The following ITGB1 variants were observed in gnomAD, a reference collection of about 807,000 sequenced individuals.
ITGB1 encodes the protein integrin subunit beta 1, also known as integrin beta-1.
ITGB1 carries 24 observed loss-of-function variants against 86.5 expected under a neutral mutation model. That is an observed-to-expected ratio of 0.28 (90% CI 0.20 to 0.39). ITGB1 has a LOEUF of 0.39. Ranked by LOEUF, ITGB1 falls within the 10% of genes least tolerant of loss-of-function variation. ITGB1 has a pLI of 1.00. For missense variants in ITGB1, 556 were observed against 946.9 expected (o/e 0.59, Z 5.42); for synonymous variants, 323 against 316.8 (o/e 1.02, Z -0.21).
At chr10:32,903,710 CTG>C (rs1271808184) in intron 15 of ITGB1, among the ~76,000 whole-genome samples, 1 of 152,116 alleles carries the variant, frequency 6.6e-6, no homozygotes, top group Admixed American at 6.5e-5. Flanking sequence ...GATGACAAAA[CTG>C]TGTACATCAA....
At chr10:32,926,151 A>C in intron 5 of ITGB1, 42 bp from the exon 6 acceptor site, 3 of 1,311,970 alleles carry the variant, frequency 2.3e-6, no homozygotes, top group Non-Finnish European at 3.3e-6. Context: ...GAATGGATGG[A>C]TAGATGGAAA....
At chr10:32,903,848 T>A (rs1353833495) in intron 15 of ITGB1, among the ~76,000 whole-genome samples, 1 of 152,114 alleles carries the variant, frequency 6.6e-6, no homozygotes, top group Non-Finnish European at 1.5e-5. Flanking sequence ...TGCAAATAAA[T>A]TACACTCCAC....
At chr10:32,948,007 T>A (rs1593887252) in intron 1 of ITGB1, among the ~76,000 whole-genome samples, 1 of 65,926 alleles carries the variant, frequency 1.5e-5, no homozygotes, top group Non-Finnish European at 5.6e-5. Flanking sequence ...TATGGTTGAA[T>A]TTTTTTTTTT....
chr10:32,927,472 C>G (rs1005073031), intron 5 of ITGB1, among the ~76,000 whole-genome samples: 8 of 152,140 alleles, frequency 5.3e-5, no homozygotes, highest in African/African-American at 1.9e-4. Flanking sequence ...TAGATAAAAT[C>G]TGGGTATTCA....
intron 1 of ITGB1, among the ~76,000 whole-genome samples, chr10:32,950,782 A>G (rs995801568): frequency 6.6e-6 from 1 of 152,186 alleles, no homozygotes; most frequent in Non-Finnish European, 1.5e-5. Context: ...AAGCTCTAAC[A>G]ACAAAGGTTT....
Position 32,926,127 on chromosome 10 carries a change from G to A in ITGB1, c.548-18C>T, listed in dbSNP as rs371333032. The A allele has an allele frequency of 3.9e-6, 6 of 1,521,176 alleles. No individual in the cohort carries two copies. The African/African-American group carries it at 8.2e-5, about 21-fold the overall frequency. 94.2% of individuals were successfully genotyped at this position (1,521,176 alleles called of 1,614,324 possible). A position where few individuals can be genotyped will look rare whatever the true frequency, so the allele number is the denominator to read the frequency against. On this transcript the variant is annotated intron_variant, in intron 5 of 15. Transcript: ENST00000302278. ...GCCAAATCCTGCCAAGAAAAAAATG[G>A]TACATAAATGAATGAATGGATGGAT...
At chr10:32,938,869 A>G (rs920054184) in intron 1 of ITGB1, among the ~76,000 whole-genome samples, 2 of 152,192 alleles carry the variant, frequency 1.3e-5, no homozygotes, top group Non-Finnish European at 2.9e-5. Flanking sequence ...GGCGGAGAGG[A>G]GACCACAGTT....
At chr10:32,902,217 C>A (rs1363022086) in intron 15 of ITGB1, among the ~76,000 whole-genome samples, 1 of 152,138 alleles carries the variant, frequency 6.6e-6, no homozygotes, top group Non-Finnish European at 1.5e-5. Context: ...ATTACCATTC[C>A]TTATGAAATA....
At chr10:32,930,570 TTAAA>T (rs1382614355) in intron 3 of ITGB1, among the ~76,000 whole-genome samples, 2 of 152,192 alleles carry the variant, frequency 1.3e-5, no homozygotes, top group Non-Finnish European at 2.9e-5. Flanking sequence ...TTAGCACCGA[TTAAA>T]TAAGTATTCC....
chr10:32,932,538 T>G lies in ITGB1; in HGVS notation c.130A>C (p.Asn44His), dbSNP rs572604555. Reference protein sequence around the residue: ...SCGECIQAGPNCGWCTNSTFL... With the variant: ...SCGECIQAGPHCGWCTNSTFL... ...ACTGAATTTGTGCACCACCCACAAT[T>G]TGGCCCTGCTTGTATACATTCTCCA... The change falls in exon 3 of 16, where the codon AAT (asparagine) becomes CAT (histidine). Residue 44 changes from asparagine (N) to histidine (H), a missense_variant. By Grantham distance (68) the Asn-to-His change is moderately conservative (BLOSUM62 1). Around this residue, in one of 4 missense-constraint regions of ITGB1, gnomAD observed 183 missense variants for 263.9 expected, o/e 0.69. Coordinates refer to ENST00000302278, the MANE Select transcript of ITGB1 (RefSeq NM_002211.4). 1.9e-6 allele frequency: 3 copies of G among 1,609,366 alleles called. No homozygotes were observed. The East Asian group carries it at 6.7e-5, about 36-fold the overall frequency.
At chr10:32,904,108 G>C (rs1313526652) in intron 15 of ITGB1, among the ~76,000 whole-genome samples, 3 of 151,794 alleles carry the variant, frequency 2.0e-5, no homozygotes, top group African/African-American at 7.3e-5. Flanking sequence ...AATCTGTCTT[G>C]TCGTATACAC....
At chr10:32,902,672 G>T (rs543859198) in intron 15 of ITGB1, among the ~76,000 whole-genome samples, 9 of 152,060 alleles carry the variant, frequency 5.9e-5, no homozygotes, top group Non-Finnish European at 1.2e-4. Flanking sequence ...AACTGCAGGT[G>T]ATTTTTAAAA....
chr10:32,928,420 A>G (rs1293945107), intron 4 of ITGB1, among the ~76,000 whole-genome samples, 156 bp from the exon 5 acceptor site: 2 of 152,234 alleles, frequency 1.3e-5, no homozygotes, highest in African/African-American at 2.4e-5. Context: ...AAGTAACTCA[A>G]TGGGTATGTA....
At chr10:32,919,698 G>T (rs757690170) in intron 11 of ITGB1, among the ~76,000 whole-genome samples, 187 bp downstream of exon 11, 1 of 152,000 alleles carries the variant, frequency 6.6e-6, no homozygotes, top group Non-Finnish European at 1.5e-5. Flanking sequence ...AAGAAAAAAA[G>T]GCAGGAAGGA....
chr10:32,944,375 G>T, intron 1 of ITGB1: 1 of 232,532 alleles, frequency 4.3e-6, no homozygotes, highest in South Asian at 5.7e-5. Flanking sequence ...GTTCGGGTGC[G>T]GCGTGGGCCT....
At chr10:32,905,631 T>C (rs907197475) in intron 15 of ITGB1, among the ~76,000 whole-genome samples, 1 of 152,238 alleles carries the variant, frequency 6.6e-6, no homozygotes, top group Non-Finnish European at 1.5e-5. Context: ...GCTCTCTGAC[T>C]AACCAGCCGT....
chr10:32,949,821 T>A (rs1370398799), intron 1 of ITGB1, among the ~76,000 whole-genome samples: 4 of 152,192 alleles, frequency 2.6e-5, no homozygotes, highest in Non-Finnish European at 2.9e-5. Context: ...TTAATTTTTT[T>A]AAACAATTTT....
chr10:32,932,605 C>A lies in ITGB1; in HGVS notation c.68-5G>T. Reference sequence around the variant, plus strand: ...CTTTTAAACATCTATTTTCATCTGTCAGAAAGAAGAAAGAACAGAACATTT... The same window carrying A: ...CTTTTAAACATCTATTTTCATCTGTAAGAAAGAAGAAAGAACAGAACATTT... On this transcript the variant is annotated splice_polypyrimidine_tract_variant and splice_region_variant and intron_variant, in intron 2 of 15. Coordinates refer to ENST00000302278, the MANE Select transcript of ITGB1 (RefSeq NM_002211.4). 1 of 1,535,166 alleles carries A rather than the reference C, an allele frequency of 6.5e-7. No individual in the cohort carries two copies. Among genetic ancestry groups the A allele is most frequent in the South Asian group, 1.1e-5 (1 of 89,366 alleles).
intron 9 of ITGB1, 99 bp from the exon 10 acceptor site, chr10:32,920,484 A>G (rs2094945934): frequency 9.2e-7 from 1 of 1,085,814 alleles, no homozygotes; most frequent in Non-Finnish European, 1.3e-6. Context: ...ATATATTTCA[A>G]TAAAGTATCT....
Sources: gnomAD v4.1 joint callset for allele counts (sites outside exome capture counted in the v4.1 genomes callset) on GRCh38, gnomAD v4.1.1 for gene constraint, gnomAD v4.1.1 regional missense constraint, MANE v1.5 for transcripts, NCBI Gene and HGNC (gene_info 2026-07-23, HGNC 2026-07-21) for gene names.